The following RUNX2 variants were observed in gnomAD, a reference collection of about 807,000 sequenced individuals.
RUNX2 encodes runt-related transcription factor 2.
A neutral mutation model predicts 51.7 loss-of-function variants in RUNX2; 10 were observed. That is an observed-to-expected ratio of 0.19 (90% confidence interval 0.12 to 0.33). The LOEUF (loss-of-function observed/expected upper bound fraction) is 0.33, where lower values mean the gene tolerates loss of function less well. Among genes scored for constraint, RUNX2 ranks in the 10% least tolerant of loss-of-function variants. The pLI is 1.00. For missense variants in RUNX2, 562 were observed against 691.3 expected, an observed-to-expected ratio of 0.81 and a Z score of 2.10; for synonymous variants, 276 against 273.6, an observed-to-expected ratio of 1.01 and a Z score of -0.09.
Position 45,422,732 on chromosome 6 carries a change from G to A in RUNX2, c.198G>A (p.Gln66=), listed in dbSNP as rs748186399. 10 of 1,466,432 alleles carry A rather than the reference G, an allele frequency of 6.8e-6. No homozygotes were observed. The highest frequency in any genetic ancestry group is 8.3e-6 in the Non-Finnish European group (9 of 1,088,894). The allele number at this position is 1,466,432 out of a possible 1,614,324, so 90.8% of individuals were successfully genotyped here. ...AACAGCAGCAGCAGCAGCAGCAACA[G>A]CAGCAGCAGCAGCAGGAGGCGGCGG... is the stretch of plus-strand genomic sequence containing the variant. The part of the protein sequence containing the change: ...QQQQQQQQQQ[Q]QQQQQEAAAA... Residue 66 remains glutamine, a synonymous_variant, in exon 3 of 9, where the codon CAG becomes CAA. Transcript: ENST00000647337.
intron 5 of RUNX2, among the ~76,000 whole-genome samples, chr6:45,460,706 C>T (rs1436475807): frequency 2.0e-5 from 3 of 151,678 alleles, no homozygotes; most frequent in Non-Finnish European, 2.9e-5. Flanking sequence ...CTGTCATGTG[C>T]TATGATTGCA....
chr6:45,344,896 T>G (rs975841046), intron 2 of RUNX2, among the ~76,000 whole-genome samples: 5 of 152,130 alleles, frequency 3.3e-5, no homozygotes, highest in Non-Finnish European at 5.9e-5. Context: ...CCCTGAAGTT[T>G]AAGGGACTCT....
At chr6:45,454,211 C>A (rs1799256380) in intron 5 of RUNX2, among the ~76,000 whole-genome samples, 1 of 152,214 alleles carries the variant, frequency 6.6e-6, no homozygotes, top group African/African-American at 2.4e-5. Context: ...CCAGCCCCAA[C>A]CACTCATTCT....
At chr6:45,353,987 T>C (rs1792610456) in intron 2 of RUNX2, among the ~76,000 whole-genome samples, 1 of 152,130 alleles carries the variant, frequency 6.6e-6, no homozygotes, top group Non-Finnish European at 1.5e-5. Flanking sequence ...GCCAAAGTAT[T>C]TTCAAGCTCA....
chr6:45,546,252 G>C (rs564618112), intron 8 of RUNX2, among the ~76,000 whole-genome samples: 1 of 152,114 alleles, frequency 6.6e-6, no homozygotes, highest in African/African-American at 2.4e-5. Flanking sequence ...TGATTTCACT[G>C]TTGCTAAGAT....
chr6:45,435,424 C>T (rs1798654802), intron 4 of RUNX2, among the ~76,000 whole-genome samples: 2 of 152,198 alleles, frequency 1.3e-5, no homozygotes, highest in Admixed American at 6.5e-5. Flanking sequence ...GTGGCACCAT[C>T]TCGGCTCACT....
intron 2 of RUNX2, among the ~76,000 whole-genome samples, chr6:45,399,350 T>C (rs11341098): frequency 6.0e-5 from 1 of 16,678 alleles, no homozygotes; most frequent in Non-Finnish European, 1.6e-4. Context: ...TTTTCTTTCC[T>C]TTTTTTTTTT....
chr6:45,544,639 C>A (rs956109456), intron 7 of RUNX2, among the ~76,000 whole-genome samples: 1 of 152,222 alleles, frequency 6.6e-6, no homozygotes, highest in Non-Finnish European at 1.5e-5. Context: ...TCACATTATT[C>A]TGGTTCTTCT....
At chr6:45,351,182 G>T (rs984686651) in intron 2 of RUNX2, among the ~76,000 whole-genome samples, 6 of 152,002 alleles carry the variant, frequency 3.9e-5, no homozygotes, top group African/African-American at 1.5e-4. Flanking sequence ...GCTGGTCACA[G>T]AAACTAAGAT....
chr6:45,478,727 T>C (rs1298424032), intron 5 of RUNX2, among the ~76,000 whole-genome samples: 2 of 152,064 alleles, frequency 1.3e-5, no homozygotes, highest in Non-Finnish European at 2.9e-5. Flanking sequence ...GGATTGCAAA[T>C]TAGGTCACCT....
chr6:45,505,415 G>A (rs993895120), intron 6 of RUNX2, among the ~76,000 whole-genome samples: 1 of 146,950 alleles, frequency 6.8e-6, no homozygotes, highest in African/African-American at 2.5e-5. Context: ...AACTCCAAGT[G>A]TTTAGGGTTC....
At chr6:45,433,058 A>G (rs1388430999) in intron 4 of RUNX2, among the ~76,000 whole-genome samples, 2 of 152,200 alleles carry the variant, frequency 1.3e-5, no homozygotes, top group African/African-American at 4.8e-5. Context: ...TAAAAACTTG[A>G]TAAGGGAAAT....
chr6:45,475,525 T>C (rs962459366), intron 5 of RUNX2, among the ~76,000 whole-genome samples: 4 of 152,186 alleles, frequency 2.6e-5, no homozygotes, highest in Admixed American at 6.5e-5. Flanking sequence ...GCTTAGGTGG[T>C]TCCTTCCACC....
At chr6:45,535,882 C>A (rs535363912) in intron 7 of RUNX2, among the ~76,000 whole-genome samples, 9 of 151,970 alleles carry the variant, frequency 5.9e-5, no homozygotes, top group African/African-American at 2.2e-4. Context: ...TCTGGTATGA[C>A]TGGATTATAG....
intron 2 of RUNX2, among the ~76,000 whole-genome samples, chr6:45,368,857 C>T (rs994858975): frequency 2.6e-5 from 4 of 151,742 alleles, no homozygotes; most frequent in Middle Eastern, 3.2e-3. Context: ...TCATAAAATT[C>T]CAAAGGCAGG....
chr6:45,485,432 C>T (rs955435958), intron 5 of RUNX2, among the ~76,000 whole-genome samples: 1 of 151,574 alleles, frequency 6.6e-6, no homozygotes, highest in South Asian at 2.1e-4. Context: ...GAACTCCCGA[C>T]CTCAGGTGAT....
chr6:45,375,499 T>C (rs1431786362), intron 2 of RUNX2, among the ~76,000 whole-genome samples: 2 of 152,238 alleles, frequency 1.3e-5, no homozygotes, highest in Admixed American at 6.5e-5. Context: ...GAGCTTTAAG[T>C]TATTGCTCCA....
At chr6:45,514,163 T>C (rs908747830) in intron 7 of RUNX2, among the ~76,000 whole-genome samples, 11 of 152,154 alleles carry the variant, frequency 7.2e-5, no homozygotes, top group African/African-American at 2.4e-4. Context: ...TTAGAGACAC[T>C]TAACTACAGC....
intron 5 of RUNX2, among the ~76,000 whole-genome samples, chr6:45,445,717 C>G (rs1289801061): frequency 6.6e-6 from 1 of 151,892 alleles, no homozygotes; most frequent in South Asian, 2.1e-4. Context: ...ATATTAATCA[C>G]TTGGCTACCA....
Sources: gnomAD v4.1 joint callset for allele counts (sites outside exome capture counted in the v4.1 genomes callset) on GRCh38, gnomAD v4.1.1 for gene constraint, MANE v1.5 for transcripts, NCBI Gene and HGNC (gene_info 2026-07-23, HGNC 2026-07-21) for gene names.